Variants in ANKS1B observed in about 807,000 individuals in gnomAD.
ANKS1B encodes ankyrin repeat and sterile alpha motif domain-containing protein 1B.
A neutral mutation model predicts 148.3 loss-of-function variants in ANKS1B; 36 were observed. The observed-to-expected ratio is 0.24, with a 90% CI of 0.19 to 0.32. The LOEUF (loss-of-function observed/expected upper bound fraction) is 0.32, where lower values mean the gene tolerates loss of function less well. ANKS1B is among the 10% of genes least tolerant of loss of function. The probability of loss-of-function intolerance (pLI) is 1.00; values close to 1 mark genes in which losing one functional copy is unlikely to be tolerated. For synonymous variants in ANKS1B, 542 were observed against 560.8 expected, an observed-to-expected ratio of 0.97 and a Z score of 0.47; for missense variants, 1,157 against 1,542.6, an observed-to-expected ratio of 0.75 and a Z score of 4.19.
chr12:99,043,895 T>C (rs2099960648), intron 17 of ANKS1B, among the ~76,000 whole-genome samples: 1 of 152,242 alleles, frequency 6.6e-6, no homozygotes, highest in East Asian at 1.9e-4. Context: ...ACCGTGTATG[T>C]TAGTTTTCAA....
At chr12:99,459,083 C>T (rs2095899134) in intron 10 of ANKS1B, among the ~76,000 whole-genome samples, 1 of 152,090 alleles carries the variant, frequency 6.6e-6, no homozygotes, top group Non-Finnish European at 1.5e-5. Flanking sequence ...GGGTTTCATA[C>T]AAGGAATGCA....
At chr12:98,978,313 C>T (rs533302766) in intron 17 of ANKS1B, among the ~76,000 whole-genome samples, 2 of 152,066 alleles carry the variant, frequency 1.3e-5, no homozygotes, top group South Asian at 2.1e-4. Context: ...ATTAGTTATA[C>T]CTCCTTTTAA....
At chr12:98,853,525 T>C (rs1175640596) in intron 17 of ANKS1B, among the ~76,000 whole-genome samples, 1 of 152,212 alleles carries the variant, frequency 6.6e-6, no homozygotes, top group Non-Finnish European at 1.5e-5. Context: ...TGTATGTAAC[T>C]ACAAGAACTT....
At chr12:99,056,585 A>C (rs1237865509) in intron 16 of ANKS1B, among the ~76,000 whole-genome samples, 1 of 152,158 alleles carries the variant, frequency 6.6e-6, no homozygotes, top group Non-Finnish European at 1.5e-5. Flanking sequence ...TTCTCGAAAA[A>C]AGTCCAAATG....
chr12:99,399,650 A>T lies in ANKS1B; in HGVS notation c.1737T>A (p.Asn579Lys). 1.2e-6 allele frequency: 2 copies of T among 1,613,278 alleles called. No homozygotes were observed. The highest frequency in any genetic ancestry group is 8.5e-7 in the Non-Finnish European group (1 of 1,179,374). The change falls in exon 12 of 27, where the codon AAT (asparagine) becomes AAA (lysine). Residue 579 changes from asparagine (N) to lysine (K), a missense_variant. Asn to Lys is a moderately conservative substitution (Grantham distance 94). Coordinates refer to ENST00000683438, the MANE Select transcript of ANKS1B (RefSeq NM_001352186.2). ...CTTTACCTGTATGGTTAGTTCCCTC[A>T]TTCTTGACTTCTGTGGTTCCCACAG... is the stretch of plus-strand genomic sequence containing the variant. ...TSSVGTTEVK[N>K]EGTNHTDDLS... is the part of the protein sequence containing the mutation.
In ANKS1B at chr12:99,134,075, A is replaced by G. The variant is rs12296764; in HGVS notation, c.2526+20214T>C. On this transcript the variant is annotated intron_variant, in intron 15 of 26. Coordinates refer to ENST00000683438, the MANE Select transcript of ANKS1B (RefSeq NM_001352186.2). The stretch of plus-strand genomic sequence containing the variant: ...CACTGTGCTACCCTCTAGGGAAGAA[A>G]TATCTGGAACTGTGGCTTGATGATA... 6.4e-3 allele frequency among the ~76,000 whole-genome samples: 979 copies of G among 152,266 alleles called. 15 individuals are homozygous for G. The highest frequency in any genetic ancestry group is 0.023 in the African/African-American group (946 of 41,538).
chr12:99,089,108 A>G (rs1324051886), intron 15 of ANKS1B, among the ~76,000 whole-genome samples: 1 of 151,834 alleles, frequency 6.6e-6, no homozygotes, highest in Non-Finnish European at 1.5e-5. Context: ...TACAGGCGTG[A>G]GCAACCGCTC....
chr12:99,075,835 AATAT>A (rs35649943), intron 16 of ANKS1B, among the ~76,000 whole-genome samples: 146 of 147,192 alleles, frequency 9.9e-4, no homozygotes, highest in Non-Finnish European at 1.8e-3. Context: ...TCGTATATAT[AATAT>A]ATGTTTTATA....
At chr12:99,533,235 C>T (rs1347504505) in intron 9 of ANKS1B, among the ~76,000 whole-genome samples, 1 of 152,094 alleles carries the variant, frequency 6.6e-6, no homozygotes, top group African/African-American at 2.4e-5. Context: ...CTTGGAGAGA[C>T]CTTTCACATC....
intron 10 of ANKS1B, among the ~76,000 whole-genome samples, chr12:99,496,235 A>G (rs574456172): frequency 1.3e-5 from 2 of 152,354 alleles, no homozygotes; most frequent in South Asian, 4.1e-4. Context: ...CTTAAAATGG[A>G]AAAATTCCCC....
downstream of ANKS1B, among the ~76,000 whole-genome samples, chr12:98,741,971 G>T (rs1197726485): frequency 6.6e-6 from 1 of 152,132 alleles, no homozygotes; most frequent in Non-Finnish European, 1.5e-5. Context: ...AATTAAATTG[G>T]GTATTGAATA....
chr12:99,401,153 T>C (rs1400728564), intron 11 of ANKS1B, among the ~76,000 whole-genome samples: 3 of 146,260 alleles, frequency 2.1e-5, no homozygotes, highest in South Asian at 4.2e-4. Context: ...AGTAATAGAA[T>C]TCAAATTAGC....
At chr12:99,264,836 C>G (rs1442476865) in intron 12 of ANKS1B, among the ~76,000 whole-genome samples, 1 of 152,090 alleles carries the variant, frequency 6.6e-6, no homozygotes, top group Non-Finnish European at 1.5e-5. Flanking sequence ...AGGTTAACTG[C>G]CAGTTCTGCC....
chr12:99,019,433 T>C (rs1165971678), intron 17 of ANKS1B, among the ~76,000 whole-genome samples: 2 of 152,194 alleles, frequency 1.3e-5, no homozygotes, highest in Non-Finnish European at 2.9e-5. Context: ...ATTATAGCTA[T>C]TGTTTGGAAG....
intron 15 of ANKS1B, among the ~76,000 whole-genome samples, chr12:99,109,125 A>G (rs2059793220): frequency 6.6e-6 from 1 of 152,176 alleles, no homozygotes; most frequent in African/African-American, 2.4e-5. Context: ...CAGGGAACTC[A>G]CACTGAGCTG....
chr12:99,320,246 T>C (rs1169142641), intron 12 of ANKS1B, among the ~76,000 whole-genome samples: 2 of 152,244 alleles, frequency 1.3e-5, no homozygotes, highest in African/African-American at 4.8e-5. Flanking sequence ...CCTGCCTTGC[T>C]AGGTTGGGGA....
intron 9 of ANKS1B, among the ~76,000 whole-genome samples, chr12:99,646,026 T>A (rs375179143): frequency 1.1e-4 from 14 of 131,824 alleles, no homozygotes; most frequent in Non-Finnish European, 1.5e-4. Flanking sequence ...AGAAAATCAG[T>A]AAAAAAAAAA....
chr12:99,344,694 T>C (rs974156683), intron 12 of ANKS1B, among the ~76,000 whole-genome samples: 1 of 152,072 alleles, frequency 6.6e-6, no homozygotes, highest in African/African-American at 2.4e-5. Context: ...TGATTTTCTA[T>C]GCATAACAGA....
rs2093175828 is a variant in ANKS1B at position 99,892,695 on chromosome 12, A to G, written c.135-67306T>C. 2.0e-5 allele frequency among the ~76,000 whole-genome samples: 3 copies of G among 152,236 alleles called. No homozygotes were observed. In the South Asian group the frequency reaches 6.2e-4, roughly 32 times the overall value. On this transcript the variant is annotated intron_variant, in intron 1 of 26. Coordinates refer to ENST00000683438, the MANE Select transcript of ANKS1B (RefSeq NM_001352186.2). ...AATGAACCTCCAGATATTTTACTACACTCTACACAGCCAACCAACCACCCC... is the reference window on the plus strand; with the variant it reads ...AATGAACCTCCAGATATTTTACTACGCTCTACACAGCCAACCAACCACCCC...
Sources: allele counts gnomAD v4.1 joint callset (sites outside exome capture counted in the v4.1 genomes callset), GRCh38; gene constraint gnomAD v4.1.1; transcripts MANE v1.5; gene names NCBI Gene and HGNC (gene_info 2026-07-23, HGNC 2026-07-21).